The following PDZRN4 variants were observed in gnomAD, a reference collection of about 807,000 sequenced individuals.
PDZRN4 encodes the protein PDZ domain containing ring finger 4.
Under a neutral mutation model 99.0 loss-of-function variants are expected in PDZRN4, and 70 were observed. That is an observed-to-expected ratio of 0.71 (90% CI 0.58 to 0.86). The LOEUF is 0.86. Among genes scored for constraint, PDZRN4 ranks in the 40% least tolerant of loss-of-function variants. The pLI is 0.00. For synonymous variants in PDZRN4, 551 were observed against 501.6 expected, an observed-to-expected ratio of 1.10 and a Z score of -1.32; for missense variants, 1,474 against 1,331.2, an observed-to-expected ratio of 1.11 and a Z score of -1.67.
intron 3 of PDZRN4, among the ~76,000 whole-genome samples, chr12:41,432,103 C>T (rs1026329985): frequency 6.6e-6 from 1 of 152,140 alleles, no homozygotes; most frequent in Non-Finnish European, 1.5e-5. Context: ...ATATGATAAG[C>T]ACACAGTAAA....
intron 3 of PDZRN4, among the ~76,000 whole-genome samples, chr12:41,360,535 T>C (rs957556719): frequency 6.6e-6 from 1 of 152,034 alleles, no homozygotes; most frequent in African/African-American, 2.4e-5. Flanking sequence ...AACATGCAGC[T>C]AAGGCAGAAA....
chr12:41,536,883 G>C (rs190283810), intron 5 of PDZRN4, among the ~76,000 whole-genome samples: 29 of 152,098 alleles, frequency 1.9e-4, no homozygotes, highest in Non-Finnish European at 1.6e-4. Flanking sequence ...ACAAAAAGAA[G>C]CATCATTAGC....
intron 3 of PDZRN4, among the ~76,000 whole-genome samples, chr12:41,476,271 T>C (rs1446656166): frequency 2.0e-5 from 3 of 152,328 alleles, no homozygotes; most frequent in African/African-American, 2.4e-5. Flanking sequence ...TCCTGCAAAA[T>C]TGACTGACAC....
chr12:41,241,037 C>T (rs894567051), intron 3 of PDZRN4, among the ~76,000 whole-genome samples: 3 of 152,092 alleles, frequency 2.0e-5, no homozygotes, highest in Non-Finnish European at 2.9e-5. Flanking sequence ...CCCCTCCCAA[C>T]CCCCAGCTCT....
chr12:41,344,933 G>A (rs1482692868), intron 3 of PDZRN4, among the ~76,000 whole-genome samples: 1 of 151,944 alleles, frequency 6.6e-6, no homozygotes, highest in East Asian at 1.9e-4. Context: ...AACCACTGGA[G>A]AGTCTAAAGC....
intron 3 of PDZRN4, among the ~76,000 whole-genome samples, chr12:41,219,213 C>G (rs998352602): frequency 6.6e-6 from 1 of 151,852 alleles, no homozygotes; most frequent in African/African-American, 2.4e-5. Context: ...AAAGAAGATA[C>G]CCTAGTTCTA....
chr12:41,474,914 A>G (rs1953026033), intron 3 of PDZRN4, among the ~76,000 whole-genome samples: 1 of 152,228 alleles, frequency 6.6e-6, no homozygotes, highest in African/African-American at 2.4e-5. Flanking sequence ...AAACTATCGG[A>G]TATAAAAGAA....
intron 3 of PDZRN4, among the ~76,000 whole-genome samples, chr12:41,314,005 G>A (rs1421568294): frequency 6.6e-6 from 1 of 152,132 alleles, no homozygotes; most frequent in Non-Finnish European, 1.5e-5. Flanking sequence ...TCATTCTTAT[G>A]TGTTAGAAAA....
intron 3 of PDZRN4, among the ~76,000 whole-genome samples, chr12:41,348,039 A>G (rs1951867313): frequency 6.6e-6 from 1 of 152,174 alleles, no homozygotes; most frequent in East Asian, 1.9e-4. Flanking sequence ...ATGAAATGTA[A>G]TGACCATTTG....
At chr12:41,383,728 CATA>C (rs1952143026) in intron 3 of PDZRN4, among the ~76,000 whole-genome samples, 1 of 152,224 alleles carries the variant, frequency 6.6e-6, no homozygotes, top group Admixed American at 6.5e-5. Flanking sequence ...TTTGTCAAAA[CATA>C]ATGAGATATT....
At chr12:41,571,360 TCTCTCTCTCTCTCTCTCA>T (rs1248806454) in intron 9 of PDZRN4, among the ~76,000 whole-genome samples, 991 of 98,048 alleles carry the variant, frequency 0.01, 16 homozygotes, top group African/African-American at 0.043. Context: ...TCTCTCTCTC[TCTCTCTCTCTCTCTCTCA>T]CACACACACA....
chr12:41,567,718 G>A (rs1371956299), intron 8 of PDZRN4, 65 bp from the exon 9 acceptor site: 1 of 977,086 alleles, frequency 1.0e-6, no homozygotes, highest in Non-Finnish European at 1.5e-6. Context: ...GGCCATTTAA[G>A]TTTACTCTAT....
chr12:41,323,265 A>G (rs1037953560), intron 3 of PDZRN4, among the ~76,000 whole-genome samples: 4 of 152,210 alleles, frequency 2.6e-5, no homozygotes, highest in Admixed American at 2.6e-4. Flanking sequence ...GAAATATTTA[A>G]ATAAAGTAAT....
At chr12:41,320,985 T>C (rs1951673603) in intron 3 of PDZRN4, among the ~76,000 whole-genome samples, 2 of 152,156 alleles carry the variant, frequency 1.3e-5, no homozygotes, top group African/African-American at 2.4e-5. Context: ...ATTTCTATAA[T>C]AAAATATAAT....
intron 3 of PDZRN4, among the ~76,000 whole-genome samples, chr12:41,296,351 C>G (rs1488334791): frequency 6.6e-6 from 1 of 152,154 alleles, no homozygotes; most frequent in Admixed American, 6.5e-5. Flanking sequence ...GTAGACAGGT[C>G]AAGAACAAAT....
At chr12:41,278,392 T>C (rs185221131) in intron 3 of PDZRN4, among the ~76,000 whole-genome samples, 2 of 152,346 alleles carry the variant, frequency 1.3e-5, no homozygotes, top group Non-Finnish European at 2.9e-5. Context: ...GATGGGTTAA[T>C]GTACACACAT....
intron 5 of PDZRN4, among the ~76,000 whole-genome samples, chr12:41,550,043 G>A (rs285591): frequency 0.18 from 26,763 of 152,076 alleles, 2,768 homozygotes; most frequent in African/African-American, 0.3. Context: ...AGATACTTGG[G>A]TAAGTGCTTT....
intron 3 of PDZRN4, among the ~76,000 whole-genome samples, chr12:41,228,420 G>A (rs1184186140): frequency 6.6e-6 from 1 of 152,030 alleles, no homozygotes; most frequent in Non-Finnish European, 1.5e-5. Flanking sequence ...GAGTATTCAA[G>A]AAAGTTCACA....
rs1939502487 is a variant in PDZRN4 at position 41,572,629 on chromosome 12, T to C, written c.1850T>C (p.Ile617Thr). 8 of 1,614,038 alleles carry C rather than the reference T, an allele frequency of 5.0e-6. No homozygotes were observed. The highest frequency in any genetic ancestry group is 5.1e-6 in the Non-Finnish European group (6 of 1,180,018). The change falls in exon 10 of 10, where the codon ATT becomes ACT. Residue 617 changes from isoleucine (I) to threonine (T), a missense_variant. Ile to Thr is a moderately conservative substitution (Grantham distance 89). Transcript: ENST00000402685. ...VSGEYIDSDC[I>T]GNPDEDCERF... is the part of the protein sequence containing the mutation. ...GGTGAATACATTGACTCAGACTGCA[T>C]TGGCAACCCAGATGAGGACTGTGAA...
Sources: allele counts gnomAD v4.1 joint callset (sites outside exome capture counted in the v4.1 genomes callset), GRCh38; gene constraint gnomAD v4.1.1; transcripts MANE v1.5; gene names NCBI Gene and HGNC (gene_info 2026-07-23, HGNC 2026-07-21).